FANCI: variants seen among roughly 807,000 people sequenced by gnomAD.
FANCI encodes the protein FA complementation group I, also known as Fanconi anemia group I protein.
A neutral mutation model predicts 176.1 loss-of-function variants in FANCI; 156 were observed. The ratio of observed to expected loss-of-function variants is 0.89; its 90% CI spans 0.78 to 1.01. The LOEUF (loss-of-function observed/expected upper bound fraction) is 1.01, where lower values mean the gene tolerates loss of function less well. Among genes scored for constraint, FANCI ranks in the 50% least tolerant of loss-of-function variants. The pLI, the probability that FANCI is intolerant of heterozygous loss-of-function variation, is 0.00. For missense variants in FANCI, 1,678 were observed against 1,534.1 expected, an observed-to-expected ratio of 1.09 and a Z score of -1.57; for synonymous variants, 613 against 541.7, an observed-to-expected ratio of 1.13 and a Z score of -1.83.
At position 89,316,599 on chromosome 15, in the gene FANCI, TA is replaced by T; in HGVS notation, c.*141del. On this transcript the variant is annotated 3_prime_UTR_variant, in exon 38 of 38. Transcript: ENST00000310775. ...CACTGAATTCAACTGCACCTTCAGT[TA>T]GAAGGAATCTTCTTGGCAGGTCCTG... is the stretch of plus-strand genomic sequence containing the variant. 1 of 1,107,852 alleles carries T rather than the reference TA, an allele frequency of 9.0e-7. No individual in the cohort carries two copies. The highest frequency in any genetic ancestry group is 1.4e-6 in the Non-Finnish European group (1 of 737,772). 68.6% of individuals were successfully genotyped at this position (1,107,852 alleles called of 1,614,324 possible). A position where few individuals can be genotyped will look rare whatever the true frequency, so the allele number is the denominator to read the frequency against.
intron 22 of FANCI, among the ~76,000 whole-genome samples, 179 bp downstream of exon 22, chr15:89,293,242 G>C (rs1184539398): frequency 6.6e-6 from 1 of 152,174 alleles, no homozygotes; most frequent in African/African-American, 2.4e-5. Context: ...TGAAGTATAT[G>C]CTTACCAGGC....
In FANCI at chr15:89,297,067, C is replaced by G. The variant is rs895865541; in HGVS notation, c.2636+1973C>G. 3.3e-5 allele frequency among the ~76,000 whole-genome samples: 5 copies of G among 150,996 alleles called. No homozygotes were observed. The South Asian group carries it at 1.0e-3, about 32-fold the overall frequency. ...GGGTGGCTGCCGGGTGGAGACGCTC[C>G]TCACTTCCCAGACGGGGTGGCTGCC... On this transcript the variant is annotated intron_variant, in intron 24 of 37. Coordinates refer to ENST00000310775, the MANE Select transcript of FANCI (RefSeq NM_001113378.2).
chr15:89,263,860 CAGTT>C lies in FANCI; in HGVS notation c.546-40_546-37del, dbSNP rs758629308. 10 of 1,612,544 alleles carry C rather than the reference CAGTT, an allele frequency of 6.2e-6. No homozygotes were observed. The East Asian group carries it at 1.3e-4, about 22-fold the overall frequency. ...CTGAATTGAATTTCTGAAAACAAGG[CAGTT>C]AGACACTGTCTATAGCCTTTAGAAT... On this transcript the variant is annotated intron_variant, in intron 7 of 37. Transcript: ENST00000310775.
chr15:89,299,054 G>T (rs1027170945), intron 24 of FANCI, among the ~76,000 whole-genome samples: 8 of 151,772 alleles, frequency 5.3e-5, no homozygotes, highest in Admixed American at 5.3e-4. Flanking sequence ...TGCACTTGTA[G>T]TCCCAGCTAC....
intron 27 of FANCI, among the ~76,000 whole-genome samples, chr15:89,303,189 C>T (rs79368030): frequency 1.3e-5 from 2 of 152,288 alleles, no homozygotes; most frequent in East Asian, 3.9e-4. Flanking sequence ...TTTCAGTTAG[C>T]CTCTTAATTT....
intron 10 of FANCI, 100 bp downstream of exon 10, chr15:89,268,625 A>T (rs2053072817): frequency 7.5e-6 from 11 of 1,457,648 alleles, no homozygotes; most frequent in African/African-American, 1.4e-5. Context: ...TAAATACTGT[A>T]AAATGACCCT....
chr15:89,273,220 G>A (rs1264408649), intron 10 of FANCI, among the ~76,000 whole-genome samples, 157 bp from the exon 11 acceptor site: 2 of 150,762 alleles, frequency 1.3e-5, no homozygotes, highest in Non-Finnish European at 2.9e-5. Context: ...AGGAGGATCC[G>A]TTGAGCCTGG....
chr15:89,317,113 T>G lies in FANCI; in HGVS notation c.*654T>G, dbSNP rs1051297210. On this transcript the variant is annotated 3_prime_UTR_variant, in exon 38 of 38. Transcript: ENST00000310775. ...GAGTGCAAGAATGCACTCTATAGAA[T>G]AAATTATCTTTAAACATTTCTTCTG... is the stretch of plus-strand genomic sequence containing the variant. The G allele has an allele frequency of 1.9e-5, 11 of 593,654 alleles. No individual in the cohort carries two copies. The African/African-American group carries it at 2.0e-4, about 11-fold the overall frequency. The allele number at this position is 593,654 out of a possible 1,614,324, so 36.8% of individuals were successfully genotyped here.
In FANCI at chr15:89,261,806, A is replaced by G; in HGVS notation, c.446-15A>G. ...CATAATCAAATTCATTGCTCAGTAT[A>G]TTTTGCATTTCTAGGTGTACTGAGT... is the stretch of plus-strand genomic sequence containing the variant. On this transcript the variant is annotated splice_polypyrimidine_tract_variant and intron_variant, in intron 5 of 37. Coordinates refer to ENST00000310775, the MANE Select transcript of FANCI (RefSeq NM_001113378.2). 6.2e-7 allele frequency: 1 copy of G among 1,614,050 alleles called. No individual in the cohort carries two copies. The highest frequency in any genetic ancestry group is 8.5e-7 in the Non-Finnish European group (1 of 1,179,980).
chr15:89,259,073 A>G (rs555727703), intron 3 of FANCI: 1 of 392,184 alleles, frequency 2.5e-6, no homozygotes, highest in South Asian at 2.2e-5. Flanking sequence ...TGGAGAAGAG[A>G]ACAGCAATGT....
At chr15:89,313,695 GT>G (rs1457086725) in intron 35 of FANCI, among the ~76,000 whole-genome samples, 3 of 152,078 alleles carry the variant, frequency 2.0e-5, no homozygotes, top group Non-Finnish European at 4.4e-5. Flanking sequence ...ACAGGCCTGT[GT>G]ACAGGATGGT....
At chr15:89,265,150 CA>C (rs1286546976) in intron 9 of FANCI, among the ~76,000 whole-genome samples, 3 of 152,106 alleles carry the variant, frequency 2.0e-5, no homozygotes, top group Non-Finnish European at 4.4e-5. Flanking sequence ...GGAAATAATA[CA>C]AAGGCAGAAG....
chr15:89,254,673 T>G (rs1254887927), intron 2 of FANCI, among the ~76,000 whole-genome samples: 1 of 152,150 alleles, frequency 6.6e-6, no homozygotes, highest in Non-Finnish European at 1.5e-5. Context: ...GCATGGCATA[T>G]CAGCACACGC....
chr15:89,272,673 TAAA>T (rs1363834989), intron 10 of FANCI, among the ~76,000 whole-genome samples: 4 of 152,140 alleles, frequency 2.6e-5, no homozygotes, highest in African/African-American at 9.7e-5. Context: ...TTATTACTAT[TAAA>T]AAATGTTTTT....
chr15:89,252,487 C>A (rs139477575), intron 2 of FANCI, among the ~76,000 whole-genome samples: 1 of 152,122 alleles, frequency 6.6e-6, no homozygotes, highest in African/African-American at 2.4e-5. Flanking sequence ...CGCCTGTAAT[C>A]CCAGCACTTT....
intron 1 of FANCI, 24 bp from the exon 2 acceptor site, chr15:89,247,605 A>G (rs557572081): frequency 1.3e-5 from 19 of 1,517,608 alleles, no homozygotes; most frequent in South Asian, 3.4e-5. Context: ...ATCTTCACCC[A>G]CCTCTGACGT....
chr15:89,276,273 C>T (rs1290650433), intron 12 of FANCI, among the ~76,000 whole-genome samples: 1 of 152,130 alleles, frequency 6.6e-6, no homozygotes, highest in Non-Finnish European at 1.5e-5. Flanking sequence ...TTTTATATGC[C>T]ACCCTTGTGC....
At chr15:89,306,379 A>G (rs1200826462) in intron 32 of FANCI, among the ~76,000 whole-genome samples, 185 bp downstream of exon 32, 1 of 151,988 alleles carries the variant, frequency 6.6e-6, no homozygotes, top group African/African-American at 2.4e-5. Context: ...CAGGCCAGGG[A>G]AAAACAGTTT....
At chr15:89,275,856 G>T (rs570570681) in intron 12 of FANCI, among the ~76,000 whole-genome samples, 16 of 152,290 alleles carry the variant, frequency 1.1e-4, no homozygotes, top group African/African-American at 3.4e-4. Context: ...ACCTCAGCTG[G>T]GAGAGATTTG....
Sources: gnomAD v4.1 joint callset for allele counts (sites outside exome capture counted in the v4.1 genomes callset) on GRCh38, gnomAD v4.1.1 for gene constraint, MANE v1.5 for transcripts, NCBI Gene and HGNC (gene_info 2026-07-23, HGNC 2026-07-21) for gene names.